The following DAB1 variants were observed in gnomAD, a reference collection of about 807,000 sequenced individuals.
The protein encoded by DAB1 is DAB adaptor protein 1.
DAB1 carries 15 observed loss-of-function variants against 64.6 expected under a neutral mutation model. The observed-to-expected ratio is 0.23, with a 90% confidence interval of 0.16 to 0.36. The LOEUF (loss-of-function observed/expected upper bound fraction) is 0.36, where lower values mean the gene tolerates loss of function less well. DAB1 is among the 10% of genes least tolerant of loss of function. DAB1 has a pLI of 1.00. For missense variants in DAB1, 596 were observed against 706.7 expected (o/e 0.84, Z 1.78); for synonymous variants, 235 against 251.9 (o/e 0.93, Z 0.64).
rs115281402 is a variant in DAB1 at position 57,045,895 on chromosome 1, G to A, written c.723+16989C>T. 9.0e-3 allele frequency among the ~76,000 whole-genome samples: 1,371 copies of A among 152,272 alleles called. 25 individuals are homozygous for A. The highest frequency in any genetic ancestry group is 0.031 in the African/African-American group (1,307 of 41,552). ...AGATGGGAGGTGGAGAAGAGAGAAAGTGTTGTAAAAAGTGAGAGTGAATGT... is the reference window on the plus strand; with the variant it reads ...AGATGGGAGGTGGAGAAGAGAGAAAATGTTGTAAAAAGTGAGAGTGAATGT... On this transcript the variant is annotated intron_variant, in intron 9 of 14. Coordinates refer to ENST00000371236, the MANE Select transcript of DAB1 (RefSeq NM_001365792.1).
chr1:57,318,996 AC>A (rs1285815591), intron 1 of DAB1, among the ~76,000 whole-genome samples: 1 of 151,980 alleles, frequency 6.6e-6, no homozygotes, highest in Non-Finnish European at 1.5e-5. Flanking sequence ...CCATTTCCTA[AC>A]CTGTGCCCTC....
intron 4 of DAB1, among the ~76,000 whole-genome samples, chr1:58,329,558 C>A (rs1444886251): frequency 6.6e-6 from 1 of 152,132 alleles, no homozygotes; most frequent in African/African-American, 2.4e-5. Context: ...TATTGTGATT[C>A]TCTTTATTGT....
At chr1:57,891,959 G>A (rs6688202) in intron 5 of DAB1, among the ~76,000 whole-genome samples, 6,064 of 152,226 alleles carry the variant, frequency 0.04, 426 homozygotes, top group African/African-American at 0.14. Flanking sequence ...AAACGTGCAC[G>A]TTCTGCACAA....
rs566669895 is a variant in DAB1 at position 58,345,208 on chromosome 1, C to T, written n.258-1805G>A. ...TAAGGCCCTCCCAGACCTTAGCCTA[C>T]CTCAGTAGTCTCATTTCGCCACTTC... On this transcript the variant is annotated intron_variant and non_coding_transcript_variant, in intron 3 of 20. Transcript: ENST00000485760. Among the ~76,000 whole-genome samples the T allele has an allele frequency of 3.9e-5, 6 of 152,306 alleles. No individual in the cohort carries two copies. The East Asian group carries it at 9.6e-4, about 24-fold the overall frequency.
At chr1:58,117,616 G>A (rs1164345665) in intron 5 of DAB1, among the ~76,000 whole-genome samples, 1 of 152,088 alleles carries the variant, frequency 6.6e-6, no homozygotes, top group Non-Finnish European at 1.5e-5. Context: ...TTCTACCGCT[G>A]TCACACAGAA....
intron 1 of DAB1, chr1:58,538,962 T>C: frequency 2.3e-6 from 2 of 872,900 alleles, no homozygotes; most frequent in Non-Finnish European, 4.0e-6. Flanking sequence ...CTGTAACTTC[T>C]TTTATTAGCA....
chr1:57,751,841 T>G (rs34882605), intron 6 of DAB1, among the ~76,000 whole-genome samples: 26,744 of 151,736 alleles, frequency 0.18, 3,054 homozygotes, highest in Admixed American at 0.29. Context: ...ACTTAATAAA[T>G]AAATAAATAA....
At chr1:58,170,997 T>G (rs993117915) in intron 4 of DAB1, among the ~76,000 whole-genome samples, 4 of 151,464 alleles carry the variant, frequency 2.6e-5, no homozygotes, top group Admixed American at 6.6e-5. Flanking sequence ...TCCGTTACCA[T>G]CCGAGGAATC....
chr1:57,274,821 A>G (rs1671326256), intron 2 of DAB1, among the ~76,000 whole-genome samples: 2 of 151,666 alleles, frequency 1.3e-5, no homozygotes, highest in South Asian at 4.2e-4. Flanking sequence ...ACCTCAGGTG[A>G]TCTGCCCGCC....
intron 2 of DAB1, among the ~76,000 whole-genome samples, chr1:57,237,277 TA>T (rs1313479856): frequency 3.9e-5 from 6 of 152,208 alleles, no homozygotes; most frequent in Non-Finnish European, 7.3e-5. Context: ...ACTGTCCAGA[TA>T]AAAGACAACC....
intron 1 of DAB1, among the ~76,000 whole-genome samples, chr1:57,366,177 A>C (rs1679979831): frequency 6.6e-6 from 1 of 152,198 alleles, no homozygotes. Flanking sequence ...GCATTACTCC[A>C]TATCATGATA....
rs149790 is a variant in DAB1, at chr1:57,188,790, C to G, written c.68-43361G>C. 9.9e-3 allele frequency among the ~76,000 whole-genome samples: 1,501 copies of G among 152,262 alleles called. 29 individuals carry two copies. Among genetic ancestry groups the G allele is most frequent in the African/African-American group, 0.035 (1,438 of 41,556 alleles). On this transcript the variant is annotated intron_variant, in intron 2 of 14. Coordinates refer to ENST00000371236, the MANE Select transcript of DAB1 (RefSeq NM_001365792.1). ...TGACTTGATTCTTTGCTATGCTTTCCACATTAACTCACTATACTACTTCAA... is the reference window on the plus strand; with the variant it reads ...TGACTTGATTCTTTGCTATGCTTTCGACATTAACTCACTATACTACTTCAA...
At chr1:58,023,373 CTG>C (rs1419497305) in intron 5 of DAB1, among the ~76,000 whole-genome samples, 3 of 152,144 alleles carry the variant, frequency 2.0e-5, no homozygotes, top group East Asian at 1.9e-4. Context: ...ATCAGGGACT[CTG>C]TGTTAAAATC....
At chr1:57,960,826 G>A (rs1570087151) in intron 5 of DAB1, among the ~76,000 whole-genome samples, 1 of 152,244 alleles carries the variant, frequency 6.6e-6, no homozygotes, top group Admixed American at 6.5e-5. Flanking sequence ...AGCCATGCAG[G>A]CATGAGGAGA....
chr1:57,396,177 C>G (rs1682791469), intron 1 of DAB1, among the ~76,000 whole-genome samples: 1 of 152,332 alleles, frequency 6.6e-6, no homozygotes, highest in African/African-American at 2.4e-5. Flanking sequence ...CTGTGCTTCC[C>G]TTATTCTGGT....
Position 58,280,335 on chromosome 1 carries a change from G to A in DAB1, n.309+63017C>T, listed in dbSNP as rs138430567. ...AGGGCTGAAGCTGGTGTGGAAACAA[G>A]AATAGGGGCAGCCTAGCATGGGGAT... On this transcript the variant is annotated intron_variant and non_coding_transcript_variant, in intron 4 of 20. Transcript: ENST00000485760. Among the ~76,000 whole-genome samples the A allele has an allele frequency of 4.3e-4, 65 of 152,320 alleles. No homozygotes were observed. The East Asian group carries it at 0.01, about 24-fold the overall frequency.
intron 3 of DAB1, among the ~76,000 whole-genome samples, chr1:58,357,395 C>T (rs182231832): frequency 6.6e-5 from 10 of 152,136 alleles, no homozygotes; most frequent in East Asian, 3.9e-4. Context: ...GTGGTGGTGC[C>T]GTTTCTGCAC....
At chr1:57,527,239 C>G (rs1644604137) in intron 7 of DAB1, among the ~76,000 whole-genome samples, 1 of 152,184 alleles carries the variant, frequency 6.6e-6, no homozygotes, top group African/African-American at 2.4e-5. Flanking sequence ...CAGATGGACT[C>G]TGAGCTCTCA....
chr1:57,847,271 C>T (rs569989418), intron 1 of DAB1, among the ~76,000 whole-genome samples: 1 of 147,038 alleles, frequency 6.8e-6, no homozygotes, highest in East Asian at 2.0e-4. Context: ...GCTTTTAAAT[C>T]ACAGGAGGAA....
Sources: gnomAD v4.1 joint callset for allele counts (sites outside exome capture counted in the v4.1 genomes callset) on GRCh38, gnomAD v4.1.1 for gene constraint, MANE v1.5 for transcripts, NCBI Gene and HGNC (gene_info 2026-07-23, HGNC 2026-07-21) for gene names.